Variants in WASF3 observed in about 807,000 individuals in gnomAD.
WASF3 encodes WASP family member 3.
Under a neutral mutation model 46.6 loss-of-function variants are expected in WASF3, and 11 were observed. The observed-to-expected ratio is 0.24, with a 90% CI of 0.15 to 0.39. The LOEUF (loss-of-function observed/expected upper bound fraction) is 0.39, where lower values mean the gene tolerates loss of function less well. Among genes scored for constraint, WASF3 ranks in the 10% least tolerant of loss-of-function variants. The pLI, the probability that WASF3 is intolerant of heterozygous loss-of-function variation, is 1.00. For missense variants in WASF3, 576 were observed against 669.8 expected (o/e 0.86, Z 1.55); for synonymous variants, 242 against 259.7 (o/e 0.93, Z 0.65).
chr13:26,665,283 CTAGAAGAA>C (rs1250116149), intron 4 of WASF3, 121 bp downstream of exon 4: 33 of 1,252,386 alleles, frequency 2.6e-5, no homozygotes, highest in Non-Finnish European at 3.3e-6. Flanking sequence ...CTTGTCTTTC[CTAGAAGAA>C]TAGCGAGGGG....
the WASF3 span, among the ~76,000 whole-genome samples, chr13:26,549,643 T>C: frequency 6.6e-6 from 1 of 152,354 alleles, no homozygotes; most frequent in African/African-American, 2.4e-5. Context: ...ATTTAACTTC[T>C]GGTGCCTTAG....
intron 5 of WASF3, among the ~76,000 whole-genome samples, chr13:26,669,543 C>T (rs1697228): frequency 1.2e-3 from 177 of 151,140 alleles, no homozygotes; most frequent in African/African-American, 4.1e-3. Context: ...AGTTTTGCTT[C>T]ACTCTTGTTG....
At position 26,636,970 on chromosome 13, in the gene WASF3, C is replaced by T. The variant is rs770827312; in HGVS notation, c.-10-5291C>T. On this transcript the variant is annotated intron_variant, in intron 2 of 9. Coordinates refer to ENST00000335327, the MANE Select transcript of WASF3 (RefSeq NM_006646.6). ...TCCCTCAGAACTTCACCGCAGTTGC[C>T]AGACCCTGAATCTTCACAGGGCTTA... 2.0e-5 allele frequency among the ~76,000 whole-genome samples: 3 copies of T among 152,304 alleles called. No homozygotes were observed. In the South Asian group the frequency reaches 6.2e-4, roughly 32 times the overall value.
At chr13:26,577,388 A>G (rs373638711) in intron 1 of WASF3, 3 of 771,406 alleles carry the variant, frequency 3.9e-6, no homozygotes, top group Non-Finnish European at 7.1e-6. Context: ...GAAGAATATG[A>G]TGGAAATCAA....
intron 1 of WASF3, among the ~76,000 whole-genome samples, chr13:26,602,791 C>G (rs1208243536): frequency 3.9e-5 from 6 of 152,068 alleles, no homozygotes. Flanking sequence ...GAAAAAAATA[C>G]CTCTGCAATG....
intron 9 of WASF3, 119 bp downstream of exon 9, chr13:26,683,093 T>C: frequency 7.3e-7 from 1 of 1,368,932 alleles, no homozygotes. Context: ...AAAATAGAGT[T>C]AAAGGGGTCT....
chr13:26,604,449 A>T (rs558993278), intron 1 of WASF3, among the ~76,000 whole-genome samples: 1 of 152,262 alleles, frequency 6.6e-6, no homozygotes, highest in South Asian at 2.1e-4. Flanking sequence ...GTTTTTAAGT[A>T]AGGTTGGTGT....
intron 1 of WASF3, among the ~76,000 whole-genome samples, chr13:26,571,350 A>T (rs1344686679): frequency 6.6e-6 from 1 of 152,150 alleles, no homozygotes; most frequent in African/African-American, 2.4e-5. Context: ...CCAATATTTT[A>T]TTCTAGTACT....
At chr13:26,652,553 A>G (rs879259559) in intron 3 of WASF3, among the ~76,000 whole-genome samples, 6 of 152,372 alleles carry the variant, frequency 3.9e-5, no homozygotes, top group Non-Finnish European at 8.8e-5. Flanking sequence ...CCCAAGTTGT[A>G]GAATACACAT....
chr13:26,618,555 T>C (rs1465011862), intron 2 of WASF3, among the ~76,000 whole-genome samples: 1 of 149,150 alleles, frequency 6.7e-6, no homozygotes, highest in South Asian at 2.2e-4. Flanking sequence ...AATGGCATAC[T>C]GTAATTATGA....
intron 2 of WASF3, among the ~76,000 whole-genome samples, chr13:26,626,772 A>G (rs565730085): frequency 6.6e-6 from 1 of 152,348 alleles, no homozygotes; most frequent in Non-Finnish European, 1.5e-5. Context: ...GGTAAATGGG[A>G]CATTACATAA....
chr13:26,683,330 G>C (rs1883300883), intron 9 of WASF3, among the ~76,000 whole-genome samples: 1 of 152,098 alleles, frequency 6.6e-6, no homozygotes, highest in Admixed American at 6.5e-5. Context: ...AAAAAAATTA[G>C]CTGAGCATGT....
rs1166633182 is a variant in WASF3 at position 26,686,237 on chromosome 13, T to C, written c.*392T>C. ...TGCAAGACTAATGACTATGTCAGAG[T>C]GATGTCTTCCAACCAGTAAGTGATA... On this transcript the variant is annotated 3_prime_UTR_variant, in exon 10 of 10. Transcript: ENST00000335327. 2 of 164,836 alleles carry C rather than the reference T, an allele frequency of 1.2e-5. No individual in the cohort carries two copies. Among genetic ancestry groups the C allele is most frequent in the African/African-American group, 4.8e-5 (2 of 41,988 alleles). The allele number at this position is 164,836 out of a possible 1,614,324, so 10.2% of individuals were successfully genotyped here.
At chr13:26,655,033 C>G (rs1882426868) in intron 3 of WASF3, among the ~76,000 whole-genome samples, 1 of 152,106 alleles carries the variant, frequency 6.6e-6, no homozygotes, top group Admixed American at 6.5e-5. Context: ...AAAAACAGTA[C>G]AAAGAATTTC....
chr13:26,603,010 T>G lies in WASF3; in HGVS notation c.-108-9951T>G, dbSNP rs549115197. ...TGTGTAGTATTTTAGCCCAGGATAT[T>G]TGTCACCTGATTTTTAAGTCTGAGC... On this transcript the variant is annotated intron_variant, in intron 1 of 9. Transcript: ENST00000335327. Among the ~76,000 whole-genome samples the G allele has an allele frequency of 2.0e-5, 3 of 152,324 alleles. No individual in the cohort carries two copies. The East Asian group carries it at 5.8e-4, about 29-fold the overall frequency.
At chr13:26,577,586 GGC>G in intron 1 of WASF3, 1 of 1,128,482 alleles carries the variant, frequency 8.9e-7, no homozygotes, top group Non-Finnish European at 1.3e-6. Context: ...TCATGGTGAA[GGC>G]AGTAGTTCTG....
intron 3 of WASF3, among the ~76,000 whole-genome samples, chr13:26,643,637 G>T (rs570511225): frequency 2.6e-5 from 4 of 152,162 alleles, no homozygotes; most frequent in African/African-American, 7.2e-5. Flanking sequence ...TTGTTTTTGC[G>T]TGTATTTATT....
At chr13:26,614,419 A>G (rs553720759) in intron 2 of WASF3, among the ~76,000 whole-genome samples, 1 of 152,364 alleles carries the variant, frequency 6.6e-6, no homozygotes, top group South Asian at 2.1e-4. Context: ...TCCATGGTTA[A>G]AGAGGAGCTT....
intron 3 of WASF3, among the ~76,000 whole-genome samples, chr13:26,645,631 T>C (rs1882127270): frequency 6.6e-6 from 1 of 152,116 alleles, no homozygotes; most frequent in South Asian, 2.1e-4. Context: ...CATTCTCTGT[T>C]TTAATCTACT....
Sources: allele counts gnomAD v4.1 joint callset (sites outside exome capture counted in the v4.1 genomes callset), GRCh38; gene constraint gnomAD v4.1.1; transcripts MANE v1.5; gene names NCBI Gene and HGNC (gene_info 2026-07-23, HGNC 2026-07-21).